LCORL: variants seen among roughly 807,000 people sequenced by gnomAD.
The protein encoded by LCORL is ligand dependent nuclear receptor corepressor like.
LCORL carries 41 observed loss-of-function variants against 141.8 expected under a neutral mutation model. That is an observed-to-expected ratio of 0.29 (90% CI 0.23 to 0.38). The LOEUF (loss-of-function observed/expected upper bound fraction) is 0.38, where lower values mean the gene tolerates loss of function less well. LCORL is among the 10% of genes least tolerant of loss of function. LCORL has a pLI of 1.00. For synonymous variants in LCORL, 618 were observed against 694.1 expected, an observed-to-expected ratio of 0.89 and a Z score of 1.72; for missense variants, 1,759 against 2,035.0, an observed-to-expected ratio of 0.86 and a Z score of 2.61.
chr4:17,929,513 G>A (rs993810291), intron 4 of LCORL, among the ~76,000 whole-genome samples: 1 of 152,082 alleles, frequency 6.6e-6, no homozygotes, highest in African/African-American at 2.4e-5. Flanking sequence ...AATTCAATGG[G>A]TGAAAGAATA....
chr4:17,891,678 G>T (rs1729100522), intron 5 of LCORL, among the ~76,000 whole-genome samples: 1 of 152,054 alleles, frequency 6.6e-6, no homozygotes, highest in Non-Finnish European at 1.5e-5. Flanking sequence ...ACATGTAAAT[G>T]CAAATGCTAC....
At position 17,909,363 on chromosome 4, in the gene LCORL, A is replaced by G; in HGVS notation, c.431-18T>C. The stretch of plus-strand genomic sequence containing the variant: ...AGGAAGATCTAGGGAAGAAATAAAT[A>G]TAATAATCATTTTAAAAAGAGAAAG... On this transcript the variant is annotated intron_variant, in intron 4 of 7. Coordinates refer to ENST00000635767, the Ensembl canonical transcript of LCORL. The G allele has an allele frequency of 4.6e-6, 7 of 1,516,744 alleles. No individual in the cohort carries two copies. Among genetic ancestry groups the G allele is most frequent in the Non-Finnish European group, 5.3e-6 (6 of 1,129,858 alleles). The allele number at this position is 1,516,744 out of a possible 1,614,324, so 94.0% of individuals were successfully genotyped here. A position where few individuals can be genotyped will look rare whatever the true frequency, so the allele number is the denominator to read the frequency against.
intron 6 of LCORL, 120 bp from the exon 7 acceptor site, chr4:17,878,333 A>T (rs1395909697): frequency 9.4e-6 from 5 of 531,910 alleles, no homozygotes; most frequent in Non-Finnish European, 1.4e-5. Context: ...ACTCCTAGAG[A>T]GCTGCAATAA....
intron 3 of LCORL, among the ~76,000 whole-genome samples, chr4:17,962,760 A>G (rs761095827): frequency 3.3e-5 from 5 of 152,152 alleles, no homozygotes; most frequent in East Asian, 3.9e-4. Context: ...ATAAGTAAAA[A>G]AAAAGATGAG....
At chr4:18,014,103 C>T (rs1193282598) in intron 1 of LCORL, among the ~76,000 whole-genome samples, 1 of 151,930 alleles carries the variant, frequency 6.6e-6, no homozygotes, top group South Asian at 2.1e-4. Context: ...CCACCGTGCC[C>T]GGCCTGCAAT....
chr4:17,908,284 G>A (rs1185699084), intron 5 of LCORL, among the ~76,000 whole-genome samples: 5 of 152,096 alleles, frequency 3.3e-5, no homozygotes, highest in African/African-American at 7.2e-5. Flanking sequence ...CACCTGCCTC[G>A]GCCTCCCAAA....
chr4:17,947,848 C>T (rs1739129775), intron 4 of LCORL, among the ~76,000 whole-genome samples: 1 of 151,816 alleles, frequency 6.6e-6, no homozygotes, highest in South Asian at 2.1e-4. Context: ...AATTTATGTT[C>T]CATTTTGCAT....
In LCORL at chr4:18,021,869, C is replaced by T; in HGVS notation, c.-118G>A. The T allele has an allele frequency of 8.7e-7, 1 of 1,154,994 alleles. No homozygotes were observed. Among genetic ancestry groups the T allele is most frequent in the Non-Finnish European group, 1.2e-6 (1 of 864,914 alleles). The allele number at this position is 1,154,994 out of a possible 1,614,324, so 71.5% of individuals were successfully genotyped here. A position where few individuals can be genotyped will look rare whatever the true frequency, so the allele number is the denominator to read the frequency against. On this transcript the variant is annotated 5_prime_UTR_variant, in exon 1 of 8. Coordinates refer to ENST00000635767, the Ensembl canonical transcript of LCORL. The surrounding 1 kb of genome is among the most constrained non-coding windows in gnomAD (Gnocchi z 5.5). Reference sequence around the variant, plus strand: ...CCCCCCGGAGGGGGGTTGATTGACACGTGTCACTACCTTCCCTCTGCCCTG... The same window carrying T: ...CCCCCCGGAGGGGGGTTGATTGACATGTGTCACTACCTTCCCTCTGCCCTG...
chr4:17,883,103 T>C (rs1179561161), intron 6 of LCORL: 1 of 970,344 alleles, frequency 1.0e-6, no homozygotes, highest in African/African-American at 1.8e-5. Flanking sequence ...AATATTAAAT[T>C]TCATTATACA....
At chr4:17,991,591 C>T (rs997094390) in intron 1 of LCORL, among the ~76,000 whole-genome samples, 1 of 152,122 alleles carries the variant, frequency 6.6e-6, no homozygotes, top group African/African-American at 2.4e-5. Flanking sequence ...TAAACTTATT[C>T]CATGATAGCC....
intron 4 of LCORL, among the ~76,000 whole-genome samples, chr4:17,945,430 A>G (rs1232165859): frequency 1.3e-5 from 2 of 151,804 alleles, no homozygotes; most frequent in African/African-American, 2.4e-5. Context: ...TTTACACTAG[A>G]ATTTATCGTC....
intron 4 of LCORL, among the ~76,000 whole-genome samples, chr4:17,940,103 GAT>G (rs1229922477): frequency 1.1e-4 from 14 of 126,172 alleles, no homozygotes; most frequent in Non-Finnish European, 2.0e-4. Context: ...TATATAGGTA[GAT>G]ATATGTGTGT....
intron 4 of LCORL, among the ~76,000 whole-genome samples, chr4:17,937,955 T>C (rs1737136584): frequency 1.3e-5 from 2 of 152,066 alleles, no homozygotes; most frequent in African/African-American, 2.4e-5. Flanking sequence ...CATATTTACA[T>C]GTGGCAGGAA....
intron 4 of LCORL, among the ~76,000 whole-genome samples, chr4:17,922,554 A>T (rs1473007158): frequency 6.6e-6 from 1 of 152,208 alleles, no homozygotes; most frequent in Non-Finnish European, 1.5e-5. Flanking sequence ...CCGGCTCAAG[A>T]GGAACATACT....
chr4:17,921,794 C>A (rs187782520), intron 4 of LCORL, among the ~76,000 whole-genome samples: 75 of 152,174 alleles, frequency 4.9e-4, no homozygotes, highest in South Asian at 2.7e-3. Context: ...TGGGTGGGCA[C>A]CATATAATCA....
chr4:17,924,635 C>G (rs1331275999), intron 4 of LCORL, among the ~76,000 whole-genome samples: 3 of 152,200 alleles, frequency 2.0e-5, no homozygotes, highest in Admixed American at 6.5e-5. Flanking sequence ...AGACTACATT[C>G]ATGGACTCAT....
At chr4:17,926,683 T>C (rs1735203458) in intron 4 of LCORL, among the ~76,000 whole-genome samples, 1 of 152,246 alleles carries the variant, frequency 6.6e-6, no homozygotes, top group African/African-American at 2.4e-5. Context: ...TCAATACTCC[T>C]TAATAAACTC....
chr4:17,921,094 G>T (rs1417379863), intron 4 of LCORL, among the ~76,000 whole-genome samples: 1 of 152,098 alleles, frequency 6.6e-6, no homozygotes, highest in African/African-American at 2.4e-5. Context: ...CGCAATCTCG[G>T]CTCACTGCAA....
intron 6 of LCORL, among the ~76,000 whole-genome samples, chr4:17,885,147 G>A (rs1728102111): frequency 6.6e-6 from 1 of 151,860 alleles, no homozygotes; most frequent in South Asian, 2.1e-4. Context: ...CAAACGTGAC[G>A]TTACCGCTAA....
Sources: gnomAD v4.1 joint callset for allele counts (sites outside exome capture counted in the v4.1 genomes callset) on GRCh38, gnomAD v4.1.1 for gene constraint, Gnocchi (gnomAD v3.1) non-coding constraint, MANE v1.5 for transcripts, NCBI Gene and HGNC (gene_info 2026-07-23, HGNC 2026-07-21) for gene names.